KDM3B: variants seen among roughly 807,000 people sequenced by gnomAD.
KDM3B encodes lysine-specific demethylase 3B.
A neutral mutation model predicts 170.0 loss-of-function variants in KDM3B; 10 were observed. The ratio of observed to expected loss-of-function variants is 0.06; its 90% CI spans 0.04 to 0.10. KDM3B has a LOEUF of 0.10. Among genes scored for constraint, KDM3B ranks in the 10% least tolerant of loss-of-function variants. The pLI is 1.00. For synonymous variants in KDM3B, 831 were observed against 834.8 expected (o/e 1.00, Z 0.08); for missense variants, 1,394 against 2,195.2 (o/e 0.64, Z 7.29).
At chr5:138,373,422 C>A (rs1188591775) in intron 2 of KDM3B, among the ~76,000 whole-genome samples, 1 of 151,968 alleles carries the variant, frequency 6.6e-6, no homozygotes, top group African/African-American at 2.4e-5. Flanking sequence ...TTATTTGTAA[C>A]CTTTAAAGTT....
At chr5:138,406,101 C>T (rs543639320) in intron 11 of KDM3B, among the ~76,000 whole-genome samples, 2 of 152,330 alleles carry the variant, frequency 1.3e-5, no homozygotes, top group East Asian at 1.9e-4. Flanking sequence ...AATCCCAACA[C>T]TTTGAGAAGT....
chr5:138,397,860 T>TAAAA (rs778330478), intron 9 of KDM3B: 2 of 156,280 alleles, frequency 1.3e-5, no homozygotes, highest in South Asian at 1.8e-4. Flanking sequence ...GACTCTGTCT[T>TAAAA]AAAAAAAAAA....
chr5:138,406,236 C>A (rs1166494092), intron 11 of KDM3B, among the ~76,000 whole-genome samples: 1 of 152,108 alleles, frequency 6.6e-6, no homozygotes, highest in Non-Finnish European at 1.5e-5. Context: ...GTCCCACCTA[C>A]TCAGAGGCTG....
At position 138,419,042 on chromosome 5, in the gene KDM3B, G is replaced by A. The variant is rs781346255; in HGVS notation, c.3525G>A (p.Pro1175=). 10 of 1,614,132 alleles carry A rather than the reference G, an allele frequency of 6.2e-6. No individual in the cohort carries two copies. The East Asian group carries it at 6.7e-5, about 11-fold the overall frequency. ...CGGCACCAGTAACAACTCCAGAGCCGGACCATGTTCCCAAAGCCGACAGCA... is the reference window on the plus strand; with the variant it reads ...CGGCACCAGTAACAACTCCAGAGCCAGACCATGTTCCCAAAGCCGACAGCA... ...GGPAPVTTPE[P]DHVPKADSTD... Residue 1175 remains proline (P), a synonymous_variant, in exon 14 of 24, where the codon CCG becomes CCA. Transcript: ENST00000314358.
rs770186676 is a variant in KDM3B at position 138,391,726 on chromosome 5, C to T, written c.2094C>T (p.Ser698=). Residue 698 remains serine, a synonymous_variant, in exon 8 of 24, where the codon TCC becomes TCT. Transcript: ENST00000314358. The surrounding 1 kb of genome is among the most constrained non-coding windows in gnomAD (Gnocchi z 5.0). Reference sequence around the variant, plus strand: ...AACCCCTCTTCATTACAACTGACTCCTCCAAGCTAGTATCTGGTGTTCTGG... The same window carrying T: ...AACCCCTCTTCATTACAACTGACTCTTCCAAGCTAGTATCTGGTGTTCTGG... ...KKKPLFITTD[S]SKLVSGVLGS... is the part of the protein sequence containing the mutation. 4.3e-6 allele frequency: 7 copies of T among 1,614,090 alleles called. No homozygotes were observed. Among genetic ancestry groups the T allele is most frequent in the East Asian group, 4.5e-5 (2 of 44,876 alleles).
chr5:138,435,898 C>T lies in KDM3B; in HGVS notation c.*198C>T, dbSNP rs919864522. 4 of 571,324 alleles carry T rather than the reference C, an allele frequency of 7.0e-6. No homozygotes were observed. In the South Asian group the frequency reaches 8.3e-5, roughly 12 times the overall value. 35.4% of individuals were successfully genotyped at this position (571,324 alleles called of 1,614,324 possible). On this transcript the variant is annotated 3_prime_UTR_variant, in exon 24 of 24. Transcript: ENST00000314358. ...ACAGGAAAGTCGTACTGTTCACACA[C>T]ACAGTTTGAGACTCCAAGCCAAGAG...
chr5:138,377,053 T>G (rs1166893486), intron 3 of KDM3B, among the ~76,000 whole-genome samples: 2 of 152,248 alleles, frequency 1.3e-5, no homozygotes, highest in Non-Finnish European at 2.9e-5. Flanking sequence ...TTATGATTTC[T>G]TTGTTGATAT....
At chr5:138,378,557 C>T (rs1762053794) in intron 4 of KDM3B, among the ~76,000 whole-genome samples, 1 of 152,068 alleles carries the variant, frequency 6.6e-6, no homozygotes, top group African/African-American at 2.4e-5. Flanking sequence ...CTTTCTTGAT[C>T]TCATGATAAT....
chr5:138,355,447 A>G (rs2126900835), intron 1 of KDM3B, among the ~76,000 whole-genome samples: 1 of 152,322 alleles, frequency 6.6e-6, no homozygotes, highest in East Asian at 1.9e-4. Context: ...ATGTGAAAAA[A>G]AGGAGTCAGG....
intron 11 of KDM3B, among the ~76,000 whole-genome samples, chr5:138,409,845 C>T (rs1016319767): frequency 1.3e-5 from 2 of 152,182 alleles, no homozygotes; most frequent in East Asian, 1.9e-4. Flanking sequence ...CCTAGCGCTT[C>T]GGGAGGCCGA....
At chr5:138,358,516 G>C (rs922986548) in intron 1 of KDM3B, among the ~76,000 whole-genome samples, 28 of 151,362 alleles carry the variant, frequency 1.8e-4, no homozygotes, top group Non-Finnish European at 4.1e-4. Context: ...ATGTTGGCCA[G>C]GCTGGTCTTG....
intron 9 of KDM3B, among the ~76,000 whole-genome samples, chr5:138,394,349 T>C (rs1490281902): frequency 6.6e-6 from 1 of 152,074 alleles, no homozygotes; most frequent in Admixed American, 6.6e-5. Flanking sequence ...ACTCCAGCCT[T>C]AGAAGCAAAG....
At position 138,378,670 on chromosome 5, in the gene KDM3B, A is replaced by T. The variant is rs541815515; in HGVS notation, c.580+845A>T. 2.6e-5 allele frequency among the ~76,000 whole-genome samples: 4 copies of T among 152,162 alleles called. No homozygotes were observed. The South Asian group carries it at 8.3e-4, about 32-fold the overall frequency. On this transcript the variant is annotated intron_variant, in intron 4 of 23. Coordinates refer to ENST00000314358, the MANE Select transcript of KDM3B (RefSeq NM_016604.4). ...CCTATTGGGGAAGGAAGGTGTCAGG[A>T]TAAAATGATGTTAAATAATCAAGGA...
Position 138,418,968 on chromosome 5 carries a change from C to T in KDM3B, c.3451C>T (p.Pro1151Ser). ...TGCATTTTAGCTTCCTAGCATAAAC[C>T]CTAGTGCCTCTTCTGGAAACGAAAC... ...NGMSQLPSIN[P>S]SASSGNETTF... is the part of the protein sequence containing the mutation. Residue 1151 changes from proline (P) to serine (S), a missense_variant, in exon 14 of 24, where the codon CCT becomes TCT. Physicochemically the swap from Pro to Ser is moderately conservative, Grantham distance 74. Transcript: ENST00000314358. The T allele has an allele frequency of 6.2e-7, 1 of 1,614,112 alleles. No individual in the cohort carries two copies. The highest frequency in any genetic ancestry group is 1.3e-5 in the African/African-American group (1 of 75,024).
intron 1 of KDM3B, among the ~76,000 whole-genome samples, chr5:138,363,339 T>G (rs946131612): frequency 8.5e-5 from 13 of 152,166 alleles, no homozygotes; most frequent in Admixed American, 2.0e-4. Flanking sequence ...ATTTTTTCTT[T>G]TACATGTTTT....
At chr5:138,363,598 G>A (rs1440143905) in intron 1 of KDM3B, among the ~76,000 whole-genome samples, 4 of 152,164 alleles carry the variant, frequency 2.6e-5, no homozygotes. Context: ...TCAGTCTGGA[G>A]TGCAGTGGTG....
chr5:138,375,176 G>C lies in KDM3B; in HGVS notation c.444G>C (p.Leu148=), dbSNP rs182853204. 1.2e-6 allele frequency: 2 copies of C among 1,613,532 alleles called. No homozygotes were observed. Among genetic ancestry groups the C allele is most frequent in the Admixed American group, 1.7e-5 (1 of 60,008 alleles). Residue 148 remains leucine (L), a synonymous_variant, in exon 3 of 24, where the codon CTG becomes CTC. Coordinates refer to ENST00000314358, the MANE Select transcript of KDM3B (RefSeq NM_016604.4). The part of the protein sequence containing the change: ...EYLLDRELRF[L]SDANGLHLFQ... The stretch of plus-strand genomic sequence containing the variant: ...TTCTGGATCGAGAGCTTCGGTTCCT[G>C]TCAGATGCCAATGGGTTGCATCTGT...
chr5:138,406,520 A>C (rs1762825829), intron 11 of KDM3B, among the ~76,000 whole-genome samples: 1 of 152,044 alleles, frequency 6.6e-6, no homozygotes, highest in Non-Finnish European at 1.5e-5. Flanking sequence ...GGTGGCAGGC[A>C]CCTGTAGACC....
At chr5:138,425,252 T>C (rs1053673675) in intron 16 of KDM3B, among the ~76,000 whole-genome samples, 159 bp from the exon 17 acceptor site, 2 of 152,232 alleles carry the variant, frequency 1.3e-5, no homozygotes, top group African/African-American at 2.4e-5. Context: ...TTCACTTTAG[T>C]TGACATGTGG....
Sources: allele counts gnomAD v4.1 joint callset (sites outside exome capture counted in the v4.1 genomes callset), GRCh38; gene constraint gnomAD v4.1.1; non-coding constraint Gnocchi (gnomAD v3.1); transcripts MANE v1.5; gene names NCBI Gene and HGNC (gene_info 2026-07-23, HGNC 2026-07-21).